The following FRMPD4 variants were observed in gnomAD, a reference collection of about 807,000 sequenced individuals.
The protein encoded by FRMPD4 is FERM and PDZ domain containing 4.
Under a neutral mutation model 94.1 loss-of-function variants are expected in FRMPD4, and 22 were observed. The ratio of observed to expected loss-of-function variants is 0.23; its 90% CI spans 0.17 to 0.33. The LOEUF is 0.33. Among genes scored for constraint, FRMPD4 ranks in the 10% least tolerant of loss-of-function variants. The pLI is 1.00. For missense variants in FRMPD4, 1,111 were observed against 1,339.9 expected (o/e 0.83, Z 2.67); for synonymous variants, 631 against 548.6 (o/e 1.15, Z -2.10).
At chrX:12,202,815 G>C (rs1353795718) in intron 1 of FRMPD4, among the ~76,000 whole-genome samples, 1 of 112,077 alleles carries the variant, frequency 8.9e-6, no homozygotes, top group Non-Finnish European at 1.9e-5. Context: ...AGGATGCCAT[G>C]TAACAACAGA....
At chrX:11,853,126 T>A (rs1043762258) in intron 1 of FRMPD4, among the ~76,000 whole-genome samples, 6 of 111,989 alleles carry the variant, frequency 5.4e-5, no homozygotes, top group Admixed American at 9.4e-5. Flanking sequence ...GGAAATTGAA[T>A]AACCTGCTCC....
At chrX:12,678,229 C>A (rs903541250) in intron 5 of FRMPD4, among the ~76,000 whole-genome samples, 1 of 112,490 alleles carries the variant, frequency 8.9e-6, no homozygotes, top group Non-Finnish European at 1.9e-5. Context: ...CATCACTGGG[C>A]CTTTCACATC....
At chrX:12,170,981 C>T (rs748249720) in intron 1 of FRMPD4, among the ~76,000 whole-genome samples, 9 of 113,496 alleles carry the variant, frequency 7.9e-5, no homozygotes, top group East Asian at 2.8e-4. Context: ...TAGATGATAG[C>T]GCACTGCGCT....
chrX:12,405,589 T>C (rs2056657909), intron 1 of FRMPD4, among the ~76,000 whole-genome samples: 2 of 111,299 alleles, frequency 1.8e-5, no homozygotes, highest in Admixed American at 1.9e-4. Context: ...TGGCCAAATT[T>C]CTGCCAAGTT....
chrX:12,301,994 G>A (rs1379590571), intron 1 of FRMPD4, among the ~76,000 whole-genome samples: 1 of 112,072 alleles, frequency 8.9e-6, no homozygotes, highest in Non-Finnish European at 1.9e-5. Context: ...TTGCTTTATG[G>A]ATAAGCTCCC....
At chrX:12,543,237 A>G (rs2058436256) in intron 2 of FRMPD4, among the ~76,000 whole-genome samples, 1 of 110,703 alleles carries the variant, frequency 9.0e-6, no homozygotes, top group African/African-American at 3.3e-5. Context: ...AAATTGACAA[A>G]TGGGATCTAA....
chrX:12,324,780 AATTACT>A (rs202210410), intron 1 of FRMPD4, among the ~76,000 whole-genome samples: 15,485 of 110,467 alleles, frequency 0.14, 989 homozygotes, highest in Non-Finnish European at 0.19. Context: ...TTTAGGAAGT[AATTACT>A]ATTACTAATA....
intron 2 of FRMPD4, among the ~76,000 whole-genome samples, chrX:12,541,502 A>G (rs2058411424): frequency 8.9e-6 from 1 of 112,124 alleles, no homozygotes; most frequent in South Asian, 3.7e-4. Flanking sequence ...GAAATGGATA[A>G]ATTCCTGGAC....
At chrX:12,103,742 C>A (rs182097178) in intron 3 of FRMPD4, among the ~76,000 whole-genome samples, 42 of 111,458 alleles carry the variant, frequency 3.8e-4, no homozygotes, top group Non-Finnish European at 7.0e-4. Flanking sequence ...ACAAACTCAA[C>A]AAAGTTGAAA....
chrX:12,250,062 G>T (rs12401034), intron 1 of FRMPD4, among the ~76,000 whole-genome samples: 1 of 79,185 alleles, frequency 1.3e-5, no homozygotes. Context: ...GTGTGTGTGT[G>T]TTTGTGTGTT....
chrX:12,318,898 TA>T lies in FRMPD4; in HGVS notation c.42-179772del, dbSNP rs199596649. ...ATAAAAATTAAAAAGAAAAAATAATTAAAAAAAAAACATAGGGGAAAGCACC... is the reference window on the plus strand; with the variant it reads ...ATAAAAATTAAAAAGAAAAAATAATTAAAAAAAAACATAGGGGAAAGCACC... On this transcript the variant is annotated intron_variant, in intron 1 of 16. Coordinates refer to ENST00000675598, the MANE Select transcript of FRMPD4 (RefSeq NM_001368397.1). Among the ~76,000 whole-genome samples the T allele has an allele frequency of 9.8e-3, 1,048 of 106,551 alleles. 16 individuals are homozygous for T. Among genetic ancestry groups the T allele is most frequent in the African/African-American group, 0.034 (991 of 29,299 alleles). 92.5% of individuals were successfully genotyped at this position (106,551 alleles called of 115,157 possible). A position where few individuals can be genotyped will look rare whatever the true frequency, so the allele number is the denominator to read the frequency against.
intron 1 of FRMPD4, among the ~76,000 whole-genome samples, chrX:12,208,260 T>A (rs1157746361): frequency 9.1e-6 from 1 of 110,035 alleles, no homozygotes; most frequent in Non-Finnish European, 1.9e-5. Context: ...CAGGCAAATA[T>A]AACCTATAAT....
chrX:12,710,149 T>C (rs5901485), intron 13 of FRMPD4, among the ~76,000 whole-genome samples: 1 of 46,596 alleles, frequency 2.1e-5, no homozygotes, highest in African/African-American at 7.4e-5. Context: ...GACAGATAGA[T>C]AGATAGACAG....
At chrX:12,356,911 G>A (rs962387709) in intron 1 of FRMPD4, among the ~76,000 whole-genome samples, 10 of 111,662 alleles carry the variant, frequency 9.0e-5, no homozygotes, top group Non-Finnish European at 1.7e-4. Context: ...ATTCTTCCCC[G>A]CTTCTCACTA....
intron 1 of FRMPD4, among the ~76,000 whole-genome samples, chrX:12,357,683 C>T (rs1051651644): frequency 3.5e-4 from 39 of 112,225 alleles, no homozygotes; most frequent in African/African-American, 1.2e-3. Flanking sequence ...GCAACCTGAA[C>T]CCCACAGGCC....
intron 3 of FRMPD4, among the ~76,000 whole-genome samples, chrX:12,004,152 C>T (rs776610502): frequency 3.0e-4 from 33 of 111,684 alleles, no homozygotes; most frequent in Non-Finnish European, 5.8e-4. Flanking sequence ...ATCAAAAGTT[C>T]CAGAGGTTGA....
At chrX:12,110,282 C>T (rs2055345510) in intron 3 of FRMPD4, among the ~76,000 whole-genome samples, 2 of 112,172 alleles carry the variant, frequency 1.8e-5, no homozygotes, top group Admixed American at 1.9e-4. Flanking sequence ...AATCAATAAA[C>T]TTAATCCAGC....
At chrX:12,153,832 T>C (rs1001213305) in intron 1 of FRMPD4, among the ~76,000 whole-genome samples, 1 of 112,714 alleles carries the variant, frequency 8.9e-6, no homozygotes, top group African/African-American at 3.2e-5. Context: ...GAATGGTTTT[T>C]ACATTTTTAA....
chrX:11,907,617 G>T (rs1450651268), intron 3 of FRMPD4, among the ~76,000 whole-genome samples: 1 of 111,220 alleles, frequency 9.0e-6, no homozygotes, highest in Non-Finnish European at 1.9e-5. Context: ...TTTTATAAGG[G>T]CACCAATCCC....
Sources: allele counts gnomAD v4.1 joint callset (sites outside exome capture counted in the v4.1 genomes callset), GRCh38; gene constraint gnomAD v4.1.1; transcripts MANE v1.5; gene names NCBI Gene and HGNC (gene_info 2026-07-23, HGNC 2026-07-21).